Variants in NSD1 observed in about 807,000 individuals in gnomAD.
NSD1 encodes histone-lysine N-methyltransferase, H3 lysine-36 specific.
Under a neutral mutation model 242.7 loss-of-function variants are expected in NSD1, and 26 were observed. The observed-to-expected ratio is 0.11, with a 90% CI of 0.08 to 0.15. The LOEUF (loss-of-function observed/expected upper bound fraction) is 0.15. Ranked by LOEUF, NSD1 falls within the 10% of genes least tolerant of loss-of-function variation. The pLI is 1.00. For synonymous variants in NSD1, 1,106 were observed against 1,178.1 expected (o/e 0.94, Z 1.25); for missense variants, 2,495 against 3,272.8 (o/e 0.76, Z 5.80).
chr5:177,261,374 C>T (rs1402038615), intron 14 of NSD1, among the ~76,000 whole-genome samples: 1 of 151,768 alleles, frequency 6.6e-6, no homozygotes, highest in African/African-American at 2.4e-5. Flanking sequence ...AGCCAGTGTG[C>T]CCGGCCATTT....
chr5:177,262,385 T>C (rs1458731345), intron 14 of NSD1, among the ~76,000 whole-genome samples: 2 of 152,154 alleles, frequency 1.3e-5, no homozygotes, highest in Non-Finnish European at 2.9e-5. Flanking sequence ...GGAGGATTGC[T>C]TGAGCCCAGG....
rs896751362 is a variant in NSD1 at position 177,295,142 on chromosome 5, C to T, written c.7774C>T (p.Leu2592Phe). The T allele has an allele frequency of 1.2e-6, 2 of 1,614,056 alleles. No homozygotes were observed. Among genetic ancestry groups the T allele is most frequent in the South Asian group, 2.2e-5 (2 of 91,090 alleles). The change falls in exon 23 of 23, where the codon CTT becomes TTT. Residue 2592 changes from leucine to phenylalanine, a missense_variant. Physicochemically the swap from Leu to Phe is conservative, Grantham distance 22 (BLOSUM62 0). Coordinates refer to ENST00000439151, the MANE Select transcript of NSD1 (RefSeq NM_022455.5). The surrounding 1 kb of genome is among the most constrained non-coding windows in gnomAD (Gnocchi z 4.3). Reference sequence around the variant, plus strand: ...GGTCGGAGGCCAGCAACTACCTGCACTTGCCGCCAAGAGTGGGCAATCTTT... The same window carrying T: ...GGTCGGAGGCCAGCAACTACCTGCATTTGCCGCCAAGAGTGGGCAATCTTT... The part of the protein sequence containing the change: ...QMVGGQQLPA[L>F]AAKSGQSFRS...
intron 5 of NSD1, among the ~76,000 whole-genome samples, chr5:177,231,639 C>T (rs1291832405): frequency 2.6e-5 from 4 of 152,016 alleles, no homozygotes; most frequent in African/African-American, 4.8e-5. Flanking sequence ...AGGCTAGTCT[C>T]GAACTCCTGG....
chr5:177,189,791 A>G (rs1267273250), intron 2 of NSD1, among the ~76,000 whole-genome samples: 1 of 152,210 alleles, frequency 6.6e-6, no homozygotes, highest in Non-Finnish European at 1.5e-5. Context: ...TAAATAATCA[A>G]AAATCAAATT....
At chr5:177,213,904 T>C (rs909522815) in intron 5 of NSD1, among the ~76,000 whole-genome samples, 1 of 152,224 alleles carries the variant, frequency 6.6e-6, no homozygotes, top group African/African-American at 2.4e-5. Flanking sequence ...ATGCCTCTTG[T>C]AGTATGTATC....
intron 3 of NSD1, among the ~76,000 whole-genome samples, chr5:177,196,593 A>G (rs1000911146): frequency 3.9e-5 from 6 of 152,220 alleles, no homozygotes; most frequent in African/African-American, 1.4e-4. Flanking sequence ...ATGGCTGAAT[A>G]GATCGTCATT....
chr5:177,250,713 A>T (rs1194009577), intron 11 of NSD1, among the ~76,000 whole-genome samples: 1 of 152,192 alleles, frequency 6.6e-6, no homozygotes, highest in East Asian at 1.9e-4. Context: ...AGGTTGATAA[A>T]GTCCCTGAGT....
At chr5:177,204,980 T>G (rs1762772348) in intron 4 of NSD1, among the ~76,000 whole-genome samples, 1 of 152,216 alleles carries the variant, frequency 6.6e-6, no homozygotes, top group Admixed American at 6.5e-5. Context: ...ATATTCTGCT[T>G]CTTGCCACTT....
intron 15 of NSD1, among the ~76,000 whole-genome samples, chr5:177,268,050 C>T (rs1005535235): frequency 3.3e-5 from 5 of 149,952 alleles, no homozygotes; most frequent in South Asian, 4.3e-4. Context: ...CGTACCAATA[C>T]GCAGTTATGC....
intron 2 of NSD1, among the ~76,000 whole-genome samples, chr5:177,180,960 C>A (rs1321423897): frequency 3.3e-5 from 5 of 151,872 alleles, no homozygotes; most frequent in Admixed American, 3.3e-4. Flanking sequence ...GGATTACAGG[C>A]GTGAGCCACC....
Position 177,211,169 on chromosome 5 carries a change from G to A in NSD1, c.2770G>A (p.Glu924Lys), listed in dbSNP as rs1248811147. The change falls in exon 5 of 23, where the codon GAG becomes AAG. Residue 924 changes from glutamate to lysine, a missense_variant. Physicochemically the swap from Glu to Lys is moderately conservative, Grantham distance 56. This residue lies in a region of NSD1 where 121 missense variants were observed against 167.2 expected (regional missense o/e 0.72). Transcript: ENST00000439151. Reference sequence around the variant, plus strand: ...AGATATGCATGATAGTAAGACGAAGGAGCAGCGGTTGATGACTGCTCAAAA... The same window carrying A: ...AGATATGCATGATAGTAAGACGAAGAAGCAGCGGTTGATGACTGCTCAAAA... ...LKDMHDSKTK[E>K]QRLMTAQNLV... 2 of 1,614,156 alleles carry A rather than the reference G, an allele frequency of 1.2e-6. No homozygotes were observed. The highest frequency in any genetic ancestry group is 4.5e-5 in the East Asian group (2 of 44,884).
intron 2 of NSD1, among the ~76,000 whole-genome samples, chr5:177,171,088 C>T (rs779297030): frequency 4.6e-5 from 7 of 151,222 alleles, no homozygotes; most frequent in Non-Finnish European, 8.8e-5. Flanking sequence ...TTTGGGAGGC[C>T]GAGGTGGACA....
At chr5:177,291,073 G>A (rs1328870288) in intron 21 of NSD1, among the ~76,000 whole-genome samples, 1 of 152,174 alleles carries the variant, frequency 6.6e-6, no homozygotes, top group Non-Finnish European at 1.5e-5. Context: ...ATGTTTCTGG[G>A]TTAAAATGAA....
chr5:177,224,157 G>A (rs1328659049), intron 5 of NSD1, among the ~76,000 whole-genome samples: 1 of 152,024 alleles, frequency 6.6e-6, no homozygotes, highest in Non-Finnish European at 1.5e-5. Flanking sequence ...CATCTTTGGT[G>A]TTTCATATTA....
At chr5:177,140,682 T>TA (rs927892072) in intron 2 of NSD1, among the ~76,000 whole-genome samples, 31 of 149,362 alleles carry the variant, frequency 2.1e-4, no homozygotes, top group East Asian at 1.4e-3. Flanking sequence ...TTCTGTCTCT[T>TA]AAAAAAAAAA....
intron 2 of NSD1, among the ~76,000 whole-genome samples, chr5:177,165,864 C>T (rs1378008170): frequency 2.0e-5 from 3 of 151,690 alleles, no homozygotes; most frequent in Non-Finnish European, 2.9e-5. Flanking sequence ...CTTGGCCTCC[C>T]GAAGTGGTGG....
Position 177,295,276 on chromosome 5 carries a change from C to G in NSD1, c.7908C>G (p.Leu2636=), listed in dbSNP as rs143159630. The change falls in exon 23 of 23, where the codon CTC becomes CTG. Residue 2636 remains leucine, a synonymous_variant. Transcript: ENST00000439151. This position sits in a 1 kb window ranked among gnomAD's most constrained non-coding sequence, Gnocchi z 4.3. ...ALGKASSRAG[L]WPIVAGQTLA... Reference sequence around the variant, plus strand: ...GAAAAGCCTCATCACGGGCAGGGCTCTGGCCCATAGTGGCTGGACAGACAC... The same window carrying G: ...GAAAAGCCTCATCACGGGCAGGGCTGTGGCCCATAGTGGCTGGACAGACAC... 1.2e-6 allele frequency: 2 copies of G among 1,614,136 alleles called. No individual in the cohort carries two copies. Among genetic ancestry groups the G allele is most frequent in the African/African-American group, 1.3e-5 (1 of 74,942 alleles).
In NSD1 at chr5:177,173,656, A is replaced by G. The variant is rs143254147; in HGVS notation, c.928-18228A>G. 4.3e-3 allele frequency among the ~76,000 whole-genome samples: 660 copies of G among 152,016 alleles called. 5 individuals are homozygous for G. Among genetic ancestry groups the G allele is most frequent in the African/African-American group, 0.015 (630 of 41,486 alleles). ...ACCCAGCTAATTTTGTATTTTTAGT[A>G]GAGACGGGATTTCCCCATGTTGGTC... On this transcript the variant is annotated intron_variant, in intron 2 of 22. Transcript: ENST00000439151.
At chr5:177,260,853 A>G (rs1756942728) in intron 14 of NSD1, among the ~76,000 whole-genome samples, 3 of 152,180 alleles carry the variant, frequency 2.0e-5, no homozygotes, top group African/African-American at 7.2e-5. Flanking sequence ...GTCAGCAGAT[A>G]GAAAGTCTGA....
Sources: allele counts gnomAD v4.1 joint callset (sites outside exome capture counted in the v4.1 genomes callset), GRCh38; gene constraint gnomAD v4.1.1; regional missense constraint gnomAD v4.1.1; non-coding constraint Gnocchi (gnomAD v3.1); transcripts MANE v1.5; gene names NCBI Gene and HGNC (gene_info 2026-07-23, HGNC 2026-07-21).